The following PRKAR1A variants were observed in gnomAD, a reference collection of about 807,000 sequenced individuals.
The protein encoded by PRKAR1A is cAMP-dependent protein kinase type I-alpha regulatory subunit.
PRKAR1A carries 3 observed loss-of-function variants against 52.0 expected under a neutral mutation model. That is an observed-to-expected ratio of 0.06 (90% CI 0.03 to 0.15). The LOEUF is 0.15. Ranked by LOEUF, PRKAR1A falls within the 10% of genes least tolerant of loss-of-function variation. PRKAR1A has a pLI of 1.00. For missense variants in PRKAR1A, 240 were observed against 477.4 expected, an observed-to-expected ratio of 0.50 and a Z score of 4.63; for synonymous variants, 188 against 168.4, an observed-to-expected ratio of 1.12 and a Z score of -0.90.
At chr17:68,427,068 C>T in the PRKAR1A span, 11 of 1,302,722 alleles carry the variant, frequency 8.4e-6, no homozygotes, top group East Asian at 4.6e-5. Context: ...GGGGAGGGAG[C>T]GTGCAGGGAG....
the PRKAR1A span, among the ~76,000 whole-genome samples, chr17:68,417,733 A>ATTTTTTTTTTTTTTTT: frequency 1.6e-4 from 10 of 60,832 alleles, 1 homozygote; most frequent in Non-Finnish European, 2.0e-4. Context: ...GAGTTGCTGA[A>ATTTTTTTTTTTTTTTT]TTTTTTTTTT....
intron 3 of PRKAR1A, 142 bp downstream of exon 3, chr17:68,523,068 A>G: frequency 1.0e-6 from 1 of 967,436 alleles, no homozygotes; most frequent in Non-Finnish European, 1.5e-6. Flanking sequence ...ACTGGAAAAC[A>G]GGTTTCTGTA....
chr17:68,527,759 CTT>C (rs200030492), intron 7 of PRKAR1A, 79 bp from the exon 8 acceptor site: 23,254 of 1,215,162 alleles, frequency 0.019, 283 homozygotes, highest in Middle Eastern at 0.04. Flanking sequence ...TTATTTGAAA[CTT>C]AATATTTATT....
At chr17:68,426,323 A>G in the PRKAR1A span, 1 of 670,378 alleles carries the variant, frequency 1.5e-6, no homozygotes, top group Admixed American at 2.5e-5. Flanking sequence ...GCCTAGGACA[A>G]GTCATAATCC....
At chr17:68,473,514 A>ATTAT in the PRKAR1A span, among the ~76,000 whole-genome samples, 533 of 152,024 alleles carry the variant, frequency 3.5e-3, 4 homozygotes, top group Middle Eastern at 0.017. Context: ...GACCTATTTT[A>ATTAT]TTATTTATTT....
chr17:68,435,160 T>C, the PRKAR1A span, among the ~76,000 whole-genome samples: 2 of 151,456 alleles, frequency 1.3e-5, no homozygotes, highest in African/African-American at 4.9e-5. Context: ...TGAGCCGAGA[T>C]TGCGCCATTG....
chr17:68,424,441 T>A, the PRKAR1A span: 1 of 534,610 alleles, frequency 1.9e-6, no homozygotes, highest in Admixed American at 1.9e-5. Context: ...CTGCACTCCA[T>A]CCTTTTACAA....
chr17:68,455,795 C>G, the PRKAR1A span, among the ~76,000 whole-genome samples: 1 of 152,128 alleles, frequency 6.6e-6, no homozygotes, highest in East Asian at 1.9e-4. Flanking sequence ...AAATTAACAC[C>G]CTTTTTTGTC....
chr17:68,522,790 C>T lies in PRKAR1A; in HGVS notation c.212C>T (p.Ala71Val), dbSNP rs1281684412. 6.2e-7 allele frequency: 1 copy of T among 1,614,142 alleles called. No individual in the cohort carries two copies. Among genetic ancestry groups the T allele is most frequent in the East Asian group, 2.2e-5 (1 of 44,884 alleles). ...EAKQIQNLQK[A>V]GTRTDSREDE... The stretch of plus-strand genomic sequence containing the variant: ...AAACAGATTCAGAATCTGCAGAAAG[C>T]AGGCACTCGTACAGACTCAAGGGAG... Residue 71 changes from alanine (A) to valine (V), a missense_variant, in exon 3 of 11, where the codon GCA (alanine) becomes GTA (valine). By Grantham distance (64) the Ala-to-Val change is moderately conservative. Transcript: ENST00000589228.
downstream of PRKAR1A, chr17:68,537,744 G>GAAAAGACAAAGTTACAGGAT (rs750897470): frequency 6.2e-7 from 1 of 1,608,638 alleles, no homozygotes; most frequent in Non-Finnish European, 8.5e-7. This position sits in a 1 kb window ranked among gnomAD's most constrained non-coding sequence, Gnocchi z 4.2. Context: ...TTTTTATCCT[G>GAAAAGACAAAGTTACAGGAT]AAAAGACAAA....
At chr17:68,528,528 T>C (rs191947958) in intron 8 of PRKAR1A, 2 of 256,546 alleles carry the variant, frequency 7.8e-6, no homozygotes, top group Non-Finnish European at 1.5e-5. Flanking sequence ...ATGGGGAAAC[T>C]ATGACTTTTG....
chr17:68,508,553 T>C (rs1204357804), upstream of PRKAR1A, among the ~76,000 whole-genome samples: 1 of 152,204 alleles, frequency 6.6e-6, no homozygotes, highest in East Asian at 1.9e-4. Context: ...AGCAAGGATT[T>C]AAAAACTATT....
intron 11 of PRKAR1A, among the ~76,000 whole-genome samples, chr17:68,543,885 G>A (rs1460170141): frequency 6.6e-6 from 1 of 152,038 alleles, no homozygotes; most frequent in African/African-American, 2.4e-5. Context: ...GGCTCCCTTC[G>A]CCAGGAGAAG....
chr17:68,498,868 T>G, the PRKAR1A span, among the ~76,000 whole-genome samples: 1,338 of 152,262 alleles, frequency 8.8e-3, 29 homozygotes, highest in African/African-American at 0.031. Flanking sequence ...ATCCCTCTCC[T>G]CTTTAAAGGT....
At chr17:68,419,356 C>T in the PRKAR1A span, among the ~76,000 whole-genome samples, 74 of 152,006 alleles carry the variant, frequency 4.9e-4, no homozygotes, top group Admixed American at 2.6e-3. Flanking sequence ...GTTAGGAGTT[C>T]GAGACCAGCC....
intron 2 of PRKAR1A, among the ~76,000 whole-genome samples, chr17:68,518,935 C>A (rs141410206): frequency 3.4e-4 from 52 of 152,342 alleles, no homozygotes; most frequent in African/African-American, 1.2e-3. Context: ...GGCCAAAATA[C>A]TGCCAGTCTC....
At chr17:68,480,298 G>C in the PRKAR1A span, among the ~76,000 whole-genome samples, 1 of 152,118 alleles carries the variant, frequency 6.6e-6, no homozygotes, top group African/African-American at 2.4e-5. Context: ...TCATCTTCTG[G>C]GTAGTGCTAT....
At position 68,515,417 on chromosome 17, in the gene PRKAR1A, C is replaced by T. The variant is rs755978926; in HGVS notation, c.18C>T (p.Thr6=). Residue 6 remains threonine, a synonymous_variant, in exon 2 of 11, where the codon ACC becomes ACT. Coordinates refer to ENST00000589228, the MANE Select transcript of PRKAR1A (RefSeq NM_002734.5). The stretch of plus-strand genomic sequence containing the variant: ...AGAGAACCATGGAGTCTGGCAGTAC[C>T]GCCGCCAGTGAGGAGGCACGCAGCC... MESGS[T]AASEEARSLR... The T allele has an allele frequency of 1.7e-5, 27 of 1,613,268 alleles. No individual in the cohort carries two copies. Among genetic ancestry groups the T allele is most frequent in the East Asian group, 1.1e-4 (5 of 44,886 alleles).
chr17:68,542,450 G>A (rs2086345106), intron 11 of PRKAR1A, among the ~76,000 whole-genome samples: 1 of 152,128 alleles, frequency 6.6e-6, no homozygotes, highest in Non-Finnish European at 1.5e-5. Context: ...GTTCCGGGGA[G>A]GCCAGCATTG....
Sources: gnomAD v4.1 joint callset for allele counts (sites outside exome capture counted in the v4.1 genomes callset) on GRCh38, gnomAD v4.1.1 for gene constraint, Gnocchi (gnomAD v3.1) non-coding constraint, MANE v1.5 for transcripts, NCBI Gene and HGNC (gene_info 2026-07-23, HGNC 2026-07-21) for gene names.